Variants in MAGI1 observed in about 807,000 individuals in gnomAD.
MAGI1 encodes the protein membrane-associated guanylate kinase, WW and PDZ domain-containing protein 1.
Under a neutral mutation model 139.9 loss-of-function variants are expected in MAGI1, and 58 were observed. The ratio of observed to expected loss-of-function variants is 0.41; its 90% CI spans 0.34 to 0.52. The LOEUF (loss-of-function observed/expected upper bound fraction) is 0.52, where lower values mean the gene tolerates loss of function less well. Ranked by LOEUF, MAGI1 falls within the 20% of genes least tolerant of loss-of-function variation. MAGI1 has a pLI of 0.12. For synonymous variants in MAGI1, 812 were observed against 737.9 expected, an observed-to-expected ratio of 1.10 and a Z score of -1.63; for missense variants, 1,874 against 1,901.6, an observed-to-expected ratio of 0.99 and a Z score of 0.27.
chr3:65,634,168 G>A (rs2084469592), intron 1 of MAGI1, among the ~76,000 whole-genome samples: 1 of 152,282 alleles, frequency 6.6e-6, no homozygotes, highest in Middle Eastern at 3.4e-3. Flanking sequence ...GAGGAGACGG[G>A]ACTCAAATCC....
chr3:65,469,645 T>A (rs1015541081), intron 5 of MAGI1: 1 of 151,950 alleles, frequency 6.6e-6, no homozygotes, highest in Non-Finnish European at 1.5e-5. Context: ...AATGAAAATA[T>A]TTACGACTCT....
chr3:65,625,573 G>T (rs114385813), intron 1 of MAGI1, among the ~76,000 whole-genome samples: 2,337 of 152,192 alleles, frequency 0.015, 65 homozygotes, highest in African/African-American at 0.053. Context: ...TTGTTGTGAG[G>T]ATTAAATGGG....
intron 10 of MAGI1, among the ~76,000 whole-genome samples, chr3:65,431,949 C>T (rs192234272): frequency 1.7e-4 from 26 of 152,114 alleles, no homozygotes; most frequent in Admixed American, 4.6e-4. Flanking sequence ...GCTGAGATTG[C>T]GCCATTGCAC....
At position 65,355,709 on chromosome 3, in the gene MAGI1, G is replaced by A. The variant is rs76436325; in HGVS notation, c.*669C>T. 3.9e-4 allele frequency: 60 copies of A among 152,660 alleles called. No individual in the cohort carries two copies. The highest frequency in any genetic ancestry group is 1.3e-3 in the African/African-American group (55 of 41,532). The allele number at this position is 152,660 out of a possible 1,614,324, so 9.5% of individuals were successfully genotyped here. On this transcript the variant is annotated 3_prime_UTR_variant, in exon 23 of 23. Transcript: ENST00000402939. ...ACATTTTTGTCTGTGTGCCTTCCTGGGCCAGGGAGAGTACAAACTGTTTTC... is the reference window on the plus strand; with the variant it reads ...ACATTTTTGTCTGTGTGCCTTCCTGAGCCAGGGAGAGTACAAACTGTTTTC...
intron 1 of MAGI1, among the ~76,000 whole-genome samples, chr3:65,742,763 T>C (rs1334600123): frequency 6.6e-6 from 1 of 152,222 alleles, no homozygotes; most frequent in African/African-American, 2.4e-5. Flanking sequence ...AGGATTCTGC[T>C]GAGCTGGTAA....
intron 12 of MAGI1, among the ~76,000 whole-genome samples, chr3:65,409,140 T>C (rs767885293): frequency 9.2e-5 from 14 of 152,252 alleles, no homozygotes; most frequent in Admixed American, 2.0e-4. Flanking sequence ...ACAAGATTTA[T>C]TGAGCTCTGC....
intron 1 of MAGI1, among the ~76,000 whole-genome samples, chr3:65,861,451 C>T (rs1042279656): frequency 6.6e-6 from 1 of 152,242 alleles, no homozygotes; most frequent in South Asian, 2.1e-4. Context: ...GAGAAAAGAA[C>T]TAAACCCCTT....
chr3:65,630,340 C>G (rs1260275737), intron 1 of MAGI1, among the ~76,000 whole-genome samples: 2 of 152,084 alleles, frequency 1.3e-5, no homozygotes, highest in Non-Finnish European at 2.9e-5. Flanking sequence ...CTAGCTAGGT[C>G]TGCAAAGTGT....
intron 2 of MAGI1, among the ~76,000 whole-genome samples, chr3:65,508,667 T>C (rs891598726): frequency 6.6e-6 from 1 of 152,222 alleles, no homozygotes; most frequent in South Asian, 2.1e-4. Flanking sequence ...CTGGACCCAA[T>C]GTGAGTCCAG....
intron 1 of MAGI1, among the ~76,000 whole-genome samples, chr3:65,808,775 C>G (rs1575574047): frequency 6.6e-6 from 1 of 151,330 alleles, no homozygotes; most frequent in Non-Finnish European, 1.5e-5. Context: ...AGGACTTGCA[C>G]CGCACACAGG....
intron 1 of MAGI1, among the ~76,000 whole-genome samples, chr3:65,900,804 T>C (rs922654701): frequency 7.2e-5 from 11 of 152,230 alleles, no homozygotes; most frequent in Admixed American, 5.9e-4. Flanking sequence ...TGACCTATTA[T>C]GAACCATTGA....
intron 7 of MAGI1, among the ~76,000 whole-genome samples, chr3:65,443,390 C>T (rs770600415): frequency 9.8e-5 from 15 of 152,300 alleles, no homozygotes; most frequent in Admixed American, 2.0e-4. Context: ...CTGGGCTGGC[C>T]CATCTTTCTC....
At chr3:65,473,036 T>A (rs1187815081) in intron 4 of MAGI1, among the ~76,000 whole-genome samples, 2 of 152,108 alleles carry the variant, frequency 1.3e-5, no homozygotes, top group Non-Finnish European at 2.9e-5. Context: ...ATCTGGAAAA[T>A]GGGGACAAAA....
At chr3:65,769,681 A>T (rs17073742) in intron 1 of MAGI1, among the ~76,000 whole-genome samples, 2,096 of 152,262 alleles carry the variant, frequency 0.014, 44 homozygotes, top group African/African-American at 0.047. Flanking sequence ...TTTGACTTTG[A>T]TGATAAGATG....
chr3:65,760,525 G>C (rs1817919), intron 1 of MAGI1, among the ~76,000 whole-genome samples: 79,377 of 151,608 alleles, frequency 0.52, 21,678 homozygotes, highest in South Asian at 0.7. Flanking sequence ...GATAGGAATA[G>C]ATAGCAACAT....
At chr3:65,704,023 T>A (rs1195993428) in intron 1 of MAGI1, among the ~76,000 whole-genome samples, 1 of 152,138 alleles carries the variant, frequency 6.6e-6, no homozygotes, top group Non-Finnish European at 1.5e-5. Flanking sequence ...TTGCTTACTT[T>A]GCGTTTTAAG....
intron 1 of MAGI1, among the ~76,000 whole-genome samples, chr3:65,931,011 A>G (rs764712517): frequency 9.2e-5 from 14 of 151,882 alleles, no homozygotes; most frequent in Non-Finnish European, 1.8e-4. Context: ...CCTACGAAGT[A>G]GCTATTCTTT....
At chr3:65,985,957 G>A (rs756428390) in intron 1 of MAGI1, among the ~76,000 whole-genome samples, 4 of 152,318 alleles carry the variant, frequency 2.6e-5, no homozygotes, top group Non-Finnish European at 5.9e-5. Flanking sequence ...CAAGAAGAAT[G>A]TATTAAATGC....
chr3:65,357,088 C>T lies in MAGI1; in HGVS notation c.3679G>A (p.Val1227Ile). Residue 1227 changes from valine to isoleucine, a missense_variant, in exon 23 of 23, where the codon GTT (valine) becomes ATT (isoleucine). Physicochemically the swap from Val to Ile is conservative, Grantham distance 29. This residue lies in a region of MAGI1 where 653 missense variants were observed against 644.5 expected (regional missense o/e 1.01). Coordinates refer to ENST00000402939, the MANE Select transcript of MAGI1 (RefSeq NM_001033057.2). ...TCGGGCCCGGCCCTCACTTCCGGAA[C>T]ACCTTGTGGACCGGTGGCGGGGCCG... ...RHGPATGPQG[V>I]PEVRAGPDRR... 3 of 1,614,040 alleles carry T rather than the reference C, an allele frequency of 1.9e-6. No individual in the cohort carries two copies. The highest frequency in any genetic ancestry group is 2.5e-6 in the Non-Finnish European group (3 of 1,179,968).
Sources: gnomAD v4.1 joint callset for allele counts (sites outside exome capture counted in the v4.1 genomes callset) on GRCh38, gnomAD v4.1.1 for gene constraint, gnomAD v4.1.1 regional missense constraint, MANE v1.5 for transcripts, NCBI Gene and HGNC (gene_info 2026-07-23, HGNC 2026-07-21) for gene names.